IL1RAPL1: variants seen among roughly 807,000 people sequenced by gnomAD.
The protein encoded by IL1RAPL1 is interleukin-1 receptor accessory protein-like 1.
IL1RAPL1 carries 3 observed loss-of-function variants against 48.4 expected under a neutral mutation model. The ratio of observed to expected loss-of-function variants is 0.06; its 90% CI spans 0.03 to 0.16. The LOEUF (loss-of-function observed/expected upper bound fraction) is 0.16, where lower values mean the gene tolerates loss of function less well. Among genes scored for constraint, IL1RAPL1 ranks in the 10% least tolerant of loss-of-function variants. The pLI is 1.00. For missense variants in IL1RAPL1, 349 were observed against 530.6 expected (o/e 0.66, Z 3.36); for synonymous variants, 185 against 187.7 (o/e 0.99, Z 0.12).
intron 1 of IL1RAPL1, among the ~76,000 whole-genome samples, chrX:28,767,444 G>C (rs1167502599): frequency 9.0e-6 from 1 of 110,555 alleles, no homozygotes; most frequent in African/African-American, 3.3e-5. Context: ...TACATAAATA[G>C]TTGAATAATT....
chrX:29,880,027 G>A (rs1226214128), intron 6 of IL1RAPL1, among the ~76,000 whole-genome samples: 1 of 111,362 alleles, frequency 9.0e-6, no homozygotes, highest in East Asian at 2.8e-4. Flanking sequence ...GCAAAGCTTG[G>A]ATGGTTGGTA....
chrX:29,333,902 C>T (rs1428382622), intron 3 of IL1RAPL1, among the ~76,000 whole-genome samples: 41 of 73,698 alleles, frequency 5.6e-4, no homozygotes, highest in African/African-American at 1.8e-3. Context: ...ACCTCCCGGA[C>T]GGGGCGGCTG....
chrX:28,980,198 A>G (rs909507166), intron 2 of IL1RAPL1, among the ~76,000 whole-genome samples: 2 of 112,079 alleles, frequency 1.8e-5, no homozygotes, highest in Non-Finnish European at 3.8e-5. Flanking sequence ...CTCTTCTCTC[A>G]CCTCCAGTGT....
intron 2 of IL1RAPL1, among the ~76,000 whole-genome samples, chrX:28,906,317 C>T (rs1463058747): frequency 8.9e-6 from 1 of 112,103 alleles, no homozygotes; most frequent in Admixed American, 9.4e-5. Context: ...GGGAAGAAAC[C>T]ACGCAGTTGT....
intron 2 of IL1RAPL1, among the ~76,000 whole-genome samples, chrX:29,040,188 A>G (rs937075346): frequency 2.7e-5 from 3 of 112,208 alleles, no homozygotes; most frequent in African/African-American, 9.7e-5. Flanking sequence ...TTACATATGG[A>G]TGTTCCTTTT....
intron 3 of IL1RAPL1, among the ~76,000 whole-genome samples, chrX:29,372,773 C>CTTTTTTTTTTT (rs1160543169): frequency 3.2e-5 from 2 of 63,482 alleles, no homozygotes; most frequent in African/African-American, 6.3e-5. Flanking sequence ...GTCTATGTGT[C>CTTTTTTTTTTT]TTTTTTTTTT....
At position 29,217,756 on chromosome X, in the gene IL1RAPL1, TTCTCTCTC is replaced by T. The variant is rs752532448; in HGVS notation, c.83-65167_83-65160del. Among the ~76,000 whole-genome samples, 259 of 88,139 alleles carry T rather than the reference TTCTCTCTC, an allele frequency of 2.9e-3. 2 individuals are homozygous for T. Among genetic ancestry groups the T allele is most frequent in the African/African-American group, 9.8e-3 (236 of 24,013 alleles). 76.5% of individuals were successfully genotyped at this position (88,139 alleles called of 115,157 possible). On this transcript the variant is annotated intron_variant, in intron 2 of 10. Coordinates refer to ENST00000378993, the MANE Select transcript of IL1RAPL1 (RefSeq NM_014271.4). ...ATCTATATTAAAATTTATACATTTT[TTCTCTCTC>T]TCTCTCTCTCTCTCACACACACACA...
chrX:29,764,842 T>A (rs772746157), intron 6 of IL1RAPL1, among the ~76,000 whole-genome samples: 42 of 111,627 alleles, frequency 3.8e-4, no homozygotes, highest in African/African-American at 1.4e-3. Flanking sequence ...ATTTTATGGG[T>A]TTTCTACCAT....
At chrX:29,761,915 T>C (rs1211385936) in intron 6 of IL1RAPL1, among the ~76,000 whole-genome samples, 2 of 111,904 alleles carry the variant, frequency 1.8e-5, no homozygotes, top group South Asian at 7.4e-4. Context: ...TAATTTCACT[T>C]AGAAAGTTTT....
chrX:28,940,543 C>T (rs1252084618), intron 2 of IL1RAPL1, among the ~76,000 whole-genome samples: 2 of 110,623 alleles, frequency 1.8e-5, no homozygotes, highest in Non-Finnish European at 3.8e-5. Context: ...ATATCAGAGA[C>T]GATTTTCTTT....
intron 5 of IL1RAPL1, among the ~76,000 whole-genome samples, chrX:29,420,584 C>G (rs1317509316): frequency 1.8e-5 from 2 of 112,166 alleles, no homozygotes; most frequent in Non-Finnish European, 3.8e-5. Context: ...AGTGATTTGG[C>G]CAATTGGATA....
At chrX:29,889,549 C>T (rs978278796) in intron 6 of IL1RAPL1, among the ~76,000 whole-genome samples, 7 of 110,999 alleles carry the variant, frequency 6.3e-5, no homozygotes, top group Non-Finnish European at 1.3e-4. Flanking sequence ...TCTGTAGCTA[C>T]GGGAATGAAA....
chrX:29,116,521 C>T (rs1451935584), intron 2 of IL1RAPL1, among the ~76,000 whole-genome samples: 1 of 111,198 alleles, frequency 9.0e-6, no homozygotes, highest in Non-Finnish European at 1.9e-5. Context: ...GATTTTTGAA[C>T]CAAGGTTACT....
intron 2 of IL1RAPL1, among the ~76,000 whole-genome samples, chrX:28,840,049 G>A (rs1218825654): frequency 1.8e-5 from 2 of 110,823 alleles, no homozygotes; most frequent in East Asian, 2.8e-4. Context: ...GTACCAAAAC[G>A]ATATTGGACA....
chrX:29,064,307 A>G (rs1927403365), intron 2 of IL1RAPL1, among the ~76,000 whole-genome samples: 1 of 112,061 alleles, frequency 8.9e-6, no homozygotes, highest in Non-Finnish European at 1.9e-5. Context: ...CTGCCATGAA[A>G]TAATTACTGA....
At chrX:29,523,496 A>T (rs970491180) in intron 5 of IL1RAPL1, among the ~76,000 whole-genome samples, 1 of 111,782 alleles carries the variant, frequency 8.9e-6, no homozygotes, top group African/African-American at 3.2e-5. Flanking sequence ...TTAATTTCCA[A>T]ATAGTAAAAG....
chrX:28,955,253 T>C (rs1482515724), intron 2 of IL1RAPL1, among the ~76,000 whole-genome samples: 1 of 111,612 alleles, frequency 9.0e-6, no homozygotes, highest in Non-Finnish European at 1.9e-5. Flanking sequence ...AGATAATCTC[T>C]TCATGTATGG....
intron 2 of IL1RAPL1, among the ~76,000 whole-genome samples, chrX:28,903,179 G>A (rs2147327426): frequency 9.0e-6 from 1 of 110,577 alleles, no homozygotes; most frequent in Non-Finnish European, 1.9e-5. Flanking sequence ...GAGTGTAGTG[G>A]CGCTATCTCG....
chrX:29,027,975 T>C (rs539594832), intron 2 of IL1RAPL1, among the ~76,000 whole-genome samples: 15 of 109,680 alleles, frequency 1.4e-4, no homozygotes, highest in African/African-American at 5.0e-4. Context: ...AAATGTACTT[T>C]TAATTGAAAA....
Sources: allele counts gnomAD v4.1 joint callset (sites outside exome capture counted in the v4.1 genomes callset), GRCh38; gene constraint gnomAD v4.1.1; transcripts MANE v1.5; gene names NCBI Gene and HGNC (gene_info 2026-07-23, HGNC 2026-07-21).